COLEC10: variants seen among roughly 807,000 people sequenced by gnomAD.
COLEC10 encodes collectin subfamily member 10.
Under a neutral mutation model 28.4 loss-of-function variants are expected in COLEC10, and 22 were observed. The ratio of observed to expected loss-of-function variants is 0.78; its 90% CI spans 0.55 to 1.11. The LOEUF (loss-of-function observed/expected upper bound fraction) is 1.11. Ranked by LOEUF, COLEC10 falls within the 50% of genes least tolerant of loss-of-function variation. The pLI, the probability that COLEC10 is intolerant of heterozygous loss-of-function variation, is 0.00. For synonymous variants in COLEC10, 125 were observed against 116.1 expected, an observed-to-expected ratio of 1.08 and a Z score of -0.49; for missense variants, 361 against 344.1, an observed-to-expected ratio of 1.05 and a Z score of -0.39.
the COLEC10 span, chr8:118,976,556 GAGA>G: frequency 6.6e-6 from 1 of 152,308 alleles, no homozygotes; most frequent in East Asian, 1.9e-4. Flanking sequence ...GAACGATACA[GAGA>G]AGATTAGCAT....
the COLEC10 span, among the ~76,000 whole-genome samples, chr8:118,987,032 T>A: frequency 6.6e-6 from 1 of 152,110 alleles, no homozygotes; most frequent in Admixed American, 6.5e-5. Flanking sequence ...TAATTTTATG[T>A]TATGTGAATT....
intron 2 of COLEC10, among the ~76,000 whole-genome samples, chr8:119,044,700 T>C (rs1587015913): frequency 6.6e-6 from 1 of 151,654 alleles, no homozygotes; most frequent in South Asian, 2.1e-4. Context: ...ACTAAAAATA[T>C]GAAAATTAGC....
At chr8:119,086,126 C>T (rs980414842) in intron 1 of COLEC10, among the ~76,000 whole-genome samples, 1 of 152,040 alleles carries the variant, frequency 6.6e-6, no homozygotes, top group Non-Finnish European at 1.5e-5. Context: ...AGACATTTTG[C>T]TAATTGGGCA....
upstream of COLEC10, among the ~76,000 whole-genome samples, chr8:118,994,993 A>G (rs546814240): frequency 2.0e-4 from 31 of 152,116 alleles, no homozygotes; most frequent in African/African-American, 3.9e-4. Flanking sequence ...GCAAAAGGGG[A>G]AAAAAAGGAG....
intron 2 of COLEC10, among the ~76,000 whole-genome samples, chr8:119,034,252 G>A (rs983889234): frequency 3.9e-5 from 6 of 152,082 alleles, no homozygotes; most frequent in African/African-American, 1.4e-4. Context: ...GAGGATGGGG[G>A]GTGGGGAGGG....
At chr8:119,094,072 T>C (rs1815662979) in intron 3 of COLEC10, among the ~76,000 whole-genome samples, 1 of 152,126 alleles carries the variant, frequency 6.6e-6, no homozygotes, top group South Asian at 2.1e-4. Context: ...AATGCAGAAA[T>C]AGTTTCCAAG....
rs150562779 is a variant in COLEC10, at chr8:119,006,228, G to A, written n.123-3213G>A. On this transcript the variant is annotated intron_variant and non_coding_transcript_variant, in intron 1 of 6. Transcript: ENST00000521788. ...AGACTAATGGTGTAAGTGGACCTGA[G>A]TAGTGTGAGAATAGGAAGTATTGGA... 2.7e-3 allele frequency among the ~76,000 whole-genome samples: 415 copies of A among 152,180 alleles called. 3 individuals are homozygous for A. The highest frequency in any genetic ancestry group is 0.019 in the South Asian group (90 of 4,816).
chr8:119,036,655 T>G (rs764807590), intron 2 of COLEC10, among the ~76,000 whole-genome samples: 7 of 152,160 alleles, frequency 4.6e-5, no homozygotes, highest in South Asian at 2.1e-4. Context: ...AAACTTGGGA[T>G]ACAACAAAGG....
chr8:119,059,699 C>G (rs566995133), intron 2 of COLEC10, among the ~76,000 whole-genome samples: 1 of 152,000 alleles, frequency 6.6e-6, no homozygotes, highest in Non-Finnish European at 1.5e-5. Flanking sequence ...TTTTTCCATA[C>G]ATGAAGGCCT....
the COLEC10 span, among the ~76,000 whole-genome samples, chr8:118,978,048 C>T: frequency 1.3e-5 from 2 of 152,024 alleles, no homozygotes; most frequent in Non-Finnish European, 1.5e-5. Context: ...TTAACCCACA[C>T]TGATTTTACA....
the COLEC10 span, among the ~76,000 whole-genome samples, chr8:118,974,861 T>A: frequency 6.6e-6 from 1 of 152,060 alleles, no homozygotes; most frequent in Non-Finnish European, 1.5e-5. Context: ...TAATTGCAGG[T>A]CTTTCAAAGT....
rs114527795 is a variant in COLEC10, at chr8:119,055,739, T to C, written n.236-33941T>C. On this transcript the variant is annotated intron_variant and non_coding_transcript_variant, in intron 2 of 6. Transcript: ENST00000521788. ...GTGCTATTAAGTATCAATTTCCTTT[T>C]TGCACTGCCAAAACATCGAAGAATC... Among the ~76,000 whole-genome samples, 532 of 152,194 alleles carry C rather than the reference T, an allele frequency of 3.5e-3. 3 individuals are homozygous for C. The highest frequency in any genetic ancestry group is 0.012 in the African/African-American group (498 of 41,532).
chr8:119,085,263 G>C (rs1420990517), intron 1 of COLEC10, among the ~76,000 whole-genome samples: 1 of 152,162 alleles, frequency 6.6e-6, no homozygotes, highest in Non-Finnish European at 1.5e-5. Context: ...TGATAAAATG[G>C]ATGAATGGGG....
At chr8:119,052,062 C>T (rs936045767) in intron 2 of COLEC10, among the ~76,000 whole-genome samples, 3 of 152,056 alleles carry the variant, frequency 2.0e-5, no homozygotes, top group Admixed American at 6.6e-5. Flanking sequence ...TTATTAGCCC[C>T]TGAGTACCTG....
chr8:119,034,229 C>T (rs1814345690), intron 2 of COLEC10, among the ~76,000 whole-genome samples: 1 of 151,916 alleles, frequency 6.6e-6, no homozygotes, highest in Non-Finnish European at 1.5e-5. Flanking sequence ...ACATCACACA[C>T]TGGGACCTAT....
chr8:119,021,988 C>T (rs767813081), intron 2 of COLEC10, among the ~76,000 whole-genome samples: 36 of 152,106 alleles, frequency 2.4e-4, no homozygotes, highest in Non-Finnish European at 4.4e-4. Context: ...ACCCATAAAG[C>T]TGGCTTTAGG....
At chr8:118,984,500 T>C in the COLEC10 span, among the ~76,000 whole-genome samples, 1 of 151,886 alleles carries the variant, frequency 6.6e-6, no homozygotes, top group Non-Finnish European at 1.5e-5. Context: ...GTTAAATAAA[T>C]AAAGATGTAA....
chr8:119,069,632 ATATATATATATATATATAT>A (rs1815060243), intron 1 of COLEC10, among the ~76,000 whole-genome samples: 1 of 50,722 alleles, frequency 2.0e-5, no homozygotes, highest in African/African-American at 1.0e-4. Flanking sequence ...AAAAAAAAAT[ATATATATATATATATATAT>A]ATATATATAT....
At chr8:119,036,131 A>T (rs781104844) in intron 2 of COLEC10, among the ~76,000 whole-genome samples, 2 of 152,236 alleles carry the variant, frequency 1.3e-5, no homozygotes, top group Non-Finnish European at 2.9e-5. Flanking sequence ...AAGAATGAGA[A>T]CAATCTTCTT....
Sources: gnomAD v4.1 joint callset for allele counts (sites outside exome capture counted in the v4.1 genomes callset) on GRCh38, gnomAD v4.1.1 for gene constraint, MANE v1.5 for transcripts, NCBI Gene and HGNC (gene_info 2026-07-23, HGNC 2026-07-21) for gene names.